MDN1: variants seen among roughly 807,000 people sequenced by gnomAD.
The protein encoded by MDN1 is midasin.
In MDN1, 266 loss-of-function variants were observed where a neutral mutation model predicts 669.2. The ratio of observed to expected loss-of-function variants is 0.40; its 90% CI spans 0.36 to 0.44. The LOEUF is 0.44. Among genes scored for constraint, MDN1 ranks in the 20% least tolerant of loss-of-function variants. The pLI, the probability that MDN1 is intolerant of heterozygous loss-of-function variation, is 1.00. For synonymous variants in MDN1, 2,385 were observed against 2,457.1 expected (o/e 0.97, Z 0.87); for missense variants, 5,940 against 6,754.0 (o/e 0.88, Z 4.22).
intron 2 of MDN1, among the ~76,000 whole-genome samples, chr6:89,795,386 C>T (rs1819527489): frequency 6.6e-6 from 1 of 151,974 alleles, no homozygotes. Flanking sequence ...TTAAGTTACA[C>T]CTTAATGAAT....
chr6:89,652,373 A>T, intron 94 of MDN1, 92 bp from the exon 95 acceptor site: 2 of 890,112 alleles, frequency 2.2e-6, no homozygotes, highest in African/African-American at 1.7e-5. Flanking sequence ...GTATGAACTC[A>T]AAGTACATAG....
rs1811054343 is a variant in MDN1, at chr6:89,674,532, G to A, written c.12819C>T (p.Tyr4273=). Residue 4273 remains tyrosine, a synonymous_variant, in exon 79 of 102, where the codon TAC becomes TAT. Transcript: ENST00000369393. ...IHSRLMGPQA[Y]PVAFPPQDGV... ...CATCCTGAGGGGGGAAGGCCACGGG[G>A]TAGGCCTGGGGCCCCATCAGCCTGC... The A allele has an allele frequency of 1.2e-6, 2 of 1,603,422 alleles. No individual in the cohort carries two copies. The highest frequency in any genetic ancestry group is 1.3e-5 in the African/African-American group (1 of 74,902).
intron 57 of MDN1, 70 bp downstream of exon 57, chr6:89,699,993 G>T: frequency 7.2e-7 from 1 of 1,388,276 alleles, no homozygotes; most frequent in Non-Finnish European, 1.0e-6. Flanking sequence ...GTTTGTTTAT[G>T]GGTATAGGAT....
Position 89,648,309 on chromosome 6 carries a change from AG to A in MDN1, c.16226del (p.Ala5409ValfsTer2). On this transcript the variant is annotated frameshift_variant, in exon 98 of 102. Transcript: ENST00000369393. LOFTEE classifies it high-confidence loss of function. The stretch of plus-strand genomic sequence containing the variant: ...GGAGGGTTAGAGCATTTCCAATCAC[AG>A]CCAAAGATTCAAATGCAAGCTGTGA... ...HTKQLAFESL[A>X]VIGNALTLLE... The A allele has an allele frequency of 6.2e-7, 1 of 1,614,182 alleles. No individual in the cohort carries two copies. Among genetic ancestry groups the A allele is most frequent in the Non-Finnish European group, 8.5e-7 (1 of 1,179,986 alleles).
Position 89,695,547 on chromosome 6 carries a change from T to TA in MDN1, c.9771+57dup, listed in dbSNP as rs779161551. 5.2e-6 allele frequency: 8 copies of TA among 1,524,390 alleles called. No homozygotes were observed. The highest frequency in any genetic ancestry group is 5.2e-5 in the South Asian group (4 of 76,682). 94.4% of individuals were successfully genotyped at this position (1,524,390 alleles called of 1,614,324 possible). On this transcript the variant is annotated intron_variant, in intron 61 of 101. Coordinates refer to ENST00000369393, the MANE Select transcript of MDN1 (RefSeq NM_014611.3). This position sits in a 1 kb window ranked among gnomAD's most constrained non-coding sequence, Gnocchi z 4.1. The stretch of plus-strand genomic sequence containing the variant: ...AAAGGGAATAAAAGGAGTAATACAA[T>TA]AAGCAAACCCAGCACGTCAGGGAAG...
chr6:89,674,734 A>C (rs1584152456), intron 78 of MDN1, 145 bp from the exon 79 acceptor site: 1 of 1,195,798 alleles, frequency 8.4e-7, no homozygotes, highest in East Asian at 2.5e-5. Context: ...ATAGGTAAAA[A>C]GTCTGTTAAA....
At chr6:89,652,358 C>T (rs1375544997) in intron 94 of MDN1, 77 bp from the exon 95 acceptor site, 3 of 1,096,250 alleles carry the variant, frequency 2.7e-6, no homozygotes, top group East Asian at 2.4e-5. Flanking sequence ...GTCTTCCGCC[C>T]TACAGTATGA....
Position 89,718,926 on chromosome 6 carries a change from C to T in MDN1, c.6162G>A (p.Lys2054=). 6.2e-7 allele frequency: 1 copy of T among 1,614,124 alleles called. No homozygotes were observed. The highest frequency in any genetic ancestry group is 8.5e-7 in the Non-Finnish European group (1 of 1,180,040). ...TGACCATCCAGCTCATCTGCACACACTTCATGATTGACTCCAGGGGTTGGA... is the reference window on the plus strand; with the variant it reads ...TGACCATCCAGCTCATCTGCACACATTTCATGATTGACTCCAGGGGTTGGA... The part of the protein sequence containing the change: ...QSFQPLESIM[K]CVQMSWMVIL... The change falls in exon 42 of 102, where the codon AAG becomes AAA. Residue 2054 remains lysine (K), a synonymous_variant. Coordinates refer to ENST00000369393, the MANE Select transcript of MDN1 (RefSeq NM_014611.3).
rs944496554 is a variant in MDN1 at position 89,744,118 on chromosome 6, A to C, written c.4179-404T>G. ...AATGCCTTCTTAAAAAAAAAAAAAA[A>C]AAAAAAAAAAAAACCACCACCAAGA... On this transcript the variant is annotated intron_variant, in intron 29 of 101. Transcript: ENST00000369393. Among the ~76,000 whole-genome samples the C allele has an allele frequency of 7.5e-5, 11 of 146,068 alleles. 1 individual carries two copies. In the East Asian group the frequency reaches 8.2e-4, roughly 11 times the overall value.
rs1815001221 is a variant in MDN1 at position 89,723,746 on chromosome 6, C to T, written c.5671-127G>A. The T allele has an allele frequency of 1.6e-5, 8 of 489,136 alleles. No homozygotes were observed. In the East Asian group the frequency reaches 2.7e-4, roughly 17 times the overall value. 30.3% of individuals were successfully genotyped at this position (489,136 alleles called of 1,614,324 possible). Reference sequence around the variant, plus strand: ...AACAATACATGAGAAATATAATTTTCAGTTATAGAAATTTCTTTTTTTGTG... The same window carrying T: ...AACAATACATGAGAAATATAATTTTTAGTTATAGAAATTTCTTTTTTTGTG... On this transcript the variant is annotated intron_variant, in intron 38 of 101. Coordinates refer to ENST00000369393, the MANE Select transcript of MDN1 (RefSeq NM_014611.3).
chr6:89,723,633 A>C lies in MDN1; in HGVS notation c.5671-14T>G, dbSNP rs903887917. ...ATCAACGAAGACCTAGAAATCCAAA[A>C]ATAATATGAAGAAATGCCTTTGTTT... On this transcript the variant is annotated splice_polypyrimidine_tract_variant and intron_variant, in intron 38 of 101. Coordinates refer to ENST00000369393, the MANE Select transcript of MDN1 (RefSeq NM_014611.3). 1 of 1,439,904 alleles carries C rather than the reference A, an allele frequency of 6.9e-7. No homozygotes were observed. The highest frequency in any genetic ancestry group is 1.4e-5 in the African/African-American group (1 of 69,370). 89.2% of individuals were successfully genotyped at this position (1,439,904 alleles called of 1,614,324 possible).
rs1809519286 is a variant in MDN1 at position 89,658,851 on chromosome 6, T to C, written c.14780A>G (p.Glu4927Gly). Residue 4927 changes from glutamate to glycine, a missense_variant, in exon 89 of 102, where the codon GAG (glutamate) becomes GGG (glycine). Physicochemically the swap from Glu to Gly is moderately conservative, Grantham distance 98. Around this residue, in one of 5 missense-constraint regions of MDN1, gnomAD observed 2,280 missense variants for 2,576.3 expected, o/e 0.88. Transcript: ENST00000369393. ...ACTTTCGTTCTGGTCGGTCTCGGTC[T>C]CTCCTCTTTCCTCAGCTTCATGACC... Reference protein sequence around the residue: ...EAGHEAEERGETETDQNESQS... With the variant: ...EAGHEAEERGGTETDQNESQS... 6.2e-7 allele frequency: 1 copy of C among 1,614,244 alleles called. No individual in the cohort carries two copies. The highest frequency in any genetic ancestry group is 2.2e-5 in the East Asian group (1 of 44,888).
At chr6:89,783,187 T>C (rs1223053295) in intron 9 of MDN1, among the ~76,000 whole-genome samples, 2 of 152,140 alleles carry the variant, frequency 1.3e-5, no homozygotes, top group African/African-American at 4.8e-5. Flanking sequence ...AGAGAGCCTA[T>C]CAACAGATGT....
rs776090717 is a variant in MDN1, at chr6:89,690,667, C to G, written c.10749+6G>C. 1.9e-6 allele frequency: 3 copies of G among 1,613,988 alleles called. No homozygotes were observed. The highest frequency in any genetic ancestry group is 1.7e-4 in the Middle Eastern group (1 of 6,054). Reference sequence around the variant, plus strand: ...TCCAAAACACACCCTGCCATCACTGCTCTACCTTTTCATGCAGGGGGAACT... The same window carrying G: ...TCCAAAACACACCCTGCCATCACTGGTCTACCTTTTCATGCAGGGGGAACT... On this transcript the variant is annotated splice_donor_region_variant and intron_variant, in intron 64 of 101. Coordinates refer to ENST00000369393, the MANE Select transcript of MDN1 (RefSeq NM_014611.3).
chr6:89,724,986 C>T (rs984224901), intron 38 of MDN1, among the ~76,000 whole-genome samples: 1 of 152,156 alleles, frequency 6.6e-6, no homozygotes, highest in Non-Finnish European at 1.5e-5. Flanking sequence ...TTTCTTCCAG[C>T]TGATAACACA....
Position 89,700,871 on chromosome 6 carries a change from C to A in MDN1, c.8428-15G>T. ...ACCAGCTTGTCCTGAAACAACAACA[C>A]CCACAAGAGCATACTATAGAGCACA... On this transcript the variant is annotated splice_polypyrimidine_tract_variant and intron_variant, in intron 55 of 101. Transcript: ENST00000369393. 1 of 1,611,708 alleles carries A rather than the reference C, an allele frequency of 6.2e-7. No homozygotes were observed. The highest frequency in any genetic ancestry group is 8.5e-7 in the Non-Finnish European group (1 of 1,178,394).
intron 31 of MDN1, among the ~76,000 whole-genome samples, chr6:89,740,908 G>C (rs112796451): frequency 0.02 from 3,087 of 152,272 alleles, 55 homozygotes; most frequent in Middle Eastern, 0.051. Context: ...TGCACACAAA[G>C]GATTCTATTG....
At chr6:89,704,283 A>G (rs1350298915) in intron 53 of MDN1, among the ~76,000 whole-genome samples, 1 of 152,152 alleles carries the variant, frequency 6.6e-6, no homozygotes, top group Non-Finnish European at 1.5e-5. Context: ...CAGGAGGCTG[A>G]GGCAGGAGAA....
intron 5 of MDN1, among the ~76,000 whole-genome samples, chr6:89,792,452 T>TA (rs1210759244): frequency 6.6e-6 from 1 of 152,028 alleles, no homozygotes; most frequent in Admixed American, 6.6e-5. Flanking sequence ...TTCCCTATGT[T>TA]AAAATCCTAA....
Sources: gnomAD v4.1 joint callset for allele counts (sites outside exome capture counted in the v4.1 genomes callset) on GRCh38, gnomAD v4.1.1 for gene constraint, gnomAD v4.1.1 regional missense constraint, Gnocchi (gnomAD v3.1) non-coding constraint, MANE v1.5 for transcripts, NCBI Gene and HGNC (gene_info 2026-07-23, HGNC 2026-07-21) for gene names.